Variants in EFNB2 observed in about 807,000 individuals in gnomAD.
The protein encoded by EFNB2 is ephrin B2.
Under a neutral mutation model 32.1 loss-of-function variants are expected in EFNB2, and 5 were observed. That is an observed-to-expected ratio of 0.16 (90% confidence interval 0.08 to 0.33). The LOEUF is 0.33. EFNB2 is among the 10% of genes least tolerant of loss of function. EFNB2 has a pLI of 1.00. For synonymous variants in EFNB2, 168 were observed against 166.5 expected, an observed-to-expected ratio of 1.01 and a Z score of -0.07; for missense variants, 263 against 422.6, an observed-to-expected ratio of 0.62 and a Z score of 3.31.
At chr13:106,531,762 T>C (rs1264532348) in intron 1 of EFNB2, among the ~76,000 whole-genome samples, 1 of 137,222 alleles carries the variant, frequency 7.3e-6, no homozygotes, top group Non-Finnish European at 1.6e-5. Flanking sequence ...CAGTATTATA[T>C]AGGGAAAAAA....
chr13:106,533,557 G>T (rs183387744), intron 1 of EFNB2, among the ~76,000 whole-genome samples: 118 of 152,280 alleles, frequency 7.7e-4, no homozygotes, highest in Non-Finnish European at 1.4e-3. Flanking sequence ...CGACGTTTTC[G>T]CCCTTTTCAT....
intron 2 of EFNB2, among the ~76,000 whole-genome samples, chr13:106,503,639 T>G (rs1427806314): frequency 6.6e-6 from 1 of 152,208 alleles, no homozygotes; most frequent in Non-Finnish European, 1.5e-5. Context: ...ACATGCTGTT[T>G]GCAAGCAGTT....
chr13:106,523,007 A>G (rs568472167), intron 1 of EFNB2, among the ~76,000 whole-genome samples: 6 of 152,356 alleles, frequency 3.9e-5, no homozygotes, highest in African/African-American at 1.4e-4. Flanking sequence ...TAATCAGCCC[A>G]GTAACACAGT....
chr13:106,511,708 A>G (rs1879145177), intron 2 of EFNB2, among the ~76,000 whole-genome samples: 1 of 152,180 alleles, frequency 6.6e-6, no homozygotes, highest in South Asian at 2.1e-4. Flanking sequence ...AAATTAAGAA[A>G]AAAGACTTCA....
At chr13:106,495,690 ACTAGCTGGGGG>A in intron 3 of EFNB2, 47 bp downstream of exon 3, 1 of 1,539,694 alleles carries the variant, frequency 6.5e-7, no homozygotes. Context: ...TTAGCACCAT[ACTAGCTGGGGG>A]CTACACCAGG....
Position 106,512,718 on chromosome 13 carries a change from A to G in EFNB2, c.217T>C (p.Tyr73His). ...ACCATATAAACTTTATAATATTCATACTGGCCAACAGTTTTAGAGTCCACT... is the reference window on the plus strand; with the variant it reads ...ACCATATAAACTTTATAATATTCATGCTGGCCAACAGTTTTAGAGTCCACT... Reference protein sequence around the residue: ...PKVDSKTVGQYEYYKVYMVDK... With the variant: ...PKVDSKTVGQHEYYKVYMVDK... Residue 73 changes from tyrosine (Y) to histidine (H), a missense_variant, in exon 2 of 5, where the codon TAT becomes CAT. This residue lies in a region of EFNB2 where 45 missense variants were observed against 128.6 expected (regional missense o/e 0.35). Coordinates refer to ENST00000646441, the MANE Select transcript of EFNB2 (RefSeq NM_004093.4). 1 of 1,613,832 alleles carries G rather than the reference A, an allele frequency of 6.2e-7. No homozygotes were observed. Among genetic ancestry groups the G allele is most frequent in the Non-Finnish European group, 8.5e-7 (1 of 1,179,918 alleles).
At chr13:106,502,364 TAC>T (rs1375769010) in intron 2 of EFNB2, among the ~76,000 whole-genome samples, 2 of 152,184 alleles carry the variant, frequency 1.3e-5, no homozygotes, top group East Asian at 3.8e-4. Context: ...AAGAAAATGG[TAC>T]AGTTTTATTT....
At position 106,494,987 on chromosome 13, in the gene EFNB2, A is replaced by C. The variant is rs777021555; in HGVS notation, c.507T>G (p.Ser169Arg). The C allele has an allele frequency of 3.1e-6, 5 of 1,613,774 alleles. No homozygotes were observed. The East Asian group carries it at 1.1e-4, about 36-fold the overall frequency. Residue 169 changes from serine to arginine, a missense_variant, in exon 4 of 5, where the codon AGT (serine) becomes AGG (arginine). By Grantham distance (110) the Ser-to-Arg change is moderately radical. Coordinates refer to ENST00000646441, the MANE Select transcript of EFNB2 (RefSeq NM_004093.4). ...CTTTATTCCTGGTTGATCCAGCAGAACTTGCATCTATATGAAAAACAAATG... is the reference window on the plus strand; with the variant it reads ...CTTTATTCCTGGTTGATCCAGCAGACCTTGCATCTATATGAAAAACAAATG... ...KILMKVGQDA[S>R]SAGSTRNKDP...
intron 2 of EFNB2, among the ~76,000 whole-genome samples, chr13:106,512,044 C>T (rs914217543): frequency 6.6e-6 from 1 of 152,166 alleles, no homozygotes; most frequent in Non-Finnish European, 1.5e-5. Flanking sequence ...TCCATCTTCT[C>T]TAGACTGTTA....
chr13:106,529,556 C>G (rs1879808040), intron 1 of EFNB2, among the ~76,000 whole-genome samples: 1 of 152,200 alleles, frequency 6.6e-6, no homozygotes, highest in African/African-American at 2.4e-5. Context: ...CTTCCTAATC[C>G]CAGTTTCCAA....
intron 1 of EFNB2, among the ~76,000 whole-genome samples, chr13:106,527,239 G>A (rs1879730823): frequency 6.6e-6 from 1 of 151,170 alleles, no homozygotes; most frequent in African/African-American, 2.4e-5. Flanking sequence ...TTTAAATTGA[G>A]AAAATAAATT....
At chr13:106,529,616 C>A (rs760332276) in intron 1 of EFNB2, among the ~76,000 whole-genome samples, 2 of 152,208 alleles carry the variant, frequency 1.3e-5, no homozygotes, top group Non-Finnish European at 2.9e-5. Flanking sequence ...CAAGGGCCTT[C>A]GTCCCGCGCC....
intron 2 of EFNB2, 135 bp downstream of exon 2, chr13:106,512,392 AGG>A: frequency 6.7e-6 from 2 of 300,378 alleles, no homozygotes; most frequent in East Asian, 6.3e-5. Flanking sequence ...AAAAAAAAAA[AGG>A]GGGGGGGGAC....
At chr13:106,533,102 G>GA (rs61297084) in intron 1 of EFNB2, among the ~76,000 whole-genome samples, 80,990 of 147,360 alleles carry the variant, frequency 0.55, 24,814 homozygotes, top group Non-Finnish European at 0.69. Flanking sequence ...ATCCTCATAA[G>GA]AAAAAAAAAA....
intron 2 of EFNB2, among the ~76,000 whole-genome samples, chr13:106,510,857 C>T (rs957612944): frequency 1.7e-4 from 26 of 152,074 alleles, no homozygotes; most frequent in African/African-American, 6.3e-4. Context: ...ACTAAAAATA[C>T]AAAAATTAGC....
In EFNB2 at chr13:106,535,595, C is replaced by T. The variant is rs1385538764; in HGVS notation, c.-631G>A. ...CGGGCCTTTGTGTGCGGGGAGGGCG[C>T]CGGGACCCGCTGCGTGCGCAGCTCC... On this transcript the variant is annotated 5_prime_UTR_variant, in exon 1 of 5. Coordinates refer to ENST00000646441, the MANE Select transcript of EFNB2 (RefSeq NM_004093.4). The T allele has an allele frequency of 6.6e-6, 1 of 150,600 alleles. No homozygotes were observed. Among genetic ancestry groups the T allele is most frequent in the Non-Finnish European group, 1.5e-5 (1 of 67,500 alleles). The allele number at this position is 150,600 out of a possible 1,614,324, so 9.3% of individuals were successfully genotyped here.
At position 106,495,745 on chromosome 13, in the gene EFNB2, T is replaced by C; in HGVS notation, c.499+3A>G. The C allele has an allele frequency of 6.2e-7, 1 of 1,614,094 alleles. No homozygotes were observed. The highest frequency in any genetic ancestry group is 8.5e-7 in the Non-Finnish European group (1 of 1,179,954). On this transcript the variant is annotated splice_donor_region_variant and intron_variant, in intron 3 of 4. Coordinates refer to ENST00000646441, the MANE Select transcript of EFNB2 (RefSeq NM_004093.4). ...GCGTCATGAAGCAGCAGATGGTCTT[T>C]ACCTTGTCCAACTTTCATGAGGATC...
chr13:106,513,227 G>C (rs1879202994), intron 1 of EFNB2, among the ~76,000 whole-genome samples: 1 of 152,116 alleles, frequency 6.6e-6, no homozygotes, highest in African/African-American at 2.4e-5. Flanking sequence ...CTCGTCAATT[G>C]GAGGGAACAG....
intron 2 of EFNB2, among the ~76,000 whole-genome samples, chr13:106,504,180 G>A (rs907730854): frequency 2.0e-5 from 3 of 152,142 alleles, no homozygotes; most frequent in Non-Finnish European, 2.9e-5. Flanking sequence ...GTTCATGGTG[G>A]GGAGGGTGCA....
Sources: gnomAD v4.1 joint callset for allele counts (sites outside exome capture counted in the v4.1 genomes callset) on GRCh38, gnomAD v4.1.1 for gene constraint, gnomAD v4.1.1 regional missense constraint, MANE v1.5 for transcripts, NCBI Gene and HGNC (gene_info 2026-07-23, HGNC 2026-07-21) for gene names.